Variants in ADAMTS6 observed in about 807,000 individuals in gnomAD.
ADAMTS6 encodes A disintegrin and metalloproteinase with thrombospondin motifs 6.
A neutral mutation model predicts 144.3 loss-of-function variants in ADAMTS6; 23 were observed. That is an observed-to-expected ratio of 0.16 (90% CI 0.11 to 0.23). ADAMTS6 has a LOEUF of 0.23. Ranked by LOEUF, ADAMTS6 falls within the 10% of genes least tolerant of loss-of-function variation. ADAMTS6 has a pLI of 1.00. For missense variants in ADAMTS6, 999 were observed against 1,379.6 expected (o/e 0.72, Z 4.37); for synonymous variants, 444 against 457.5 (o/e 0.97, Z 0.38).
At chr5:65,413,566 C>G (rs189616998) in intron 7 of ADAMTS6, among the ~76,000 whole-genome samples, 1 of 152,260 alleles carries the variant, frequency 6.6e-6, no homozygotes, top group East Asian at 1.9e-4. Context: ...CAGCATTCCT[C>G]TCTATCCCTG....
intron 7 of ADAMTS6, among the ~76,000 whole-genome samples, chr5:65,346,706 C>T (rs1251338121): frequency 6.6e-6 from 1 of 151,590 alleles, no homozygotes; most frequent in African/African-American, 2.4e-5. Context: ...GAAAGAAAGA[C>T]ATAAAATCGT....
chr5:65,373,127 T>C (rs1364405000), intron 7 of ADAMTS6, among the ~76,000 whole-genome samples: 2 of 151,526 alleles, frequency 1.3e-5, no homozygotes, highest in Non-Finnish European at 2.9e-5. Flanking sequence ...GGGAAATTTA[T>C]AGCACTAAAT....
intron 22 of ADAMTS6, among the ~76,000 whole-genome samples, chr5:65,184,733 T>C (rs948873488): frequency 5.9e-5 from 9 of 151,844 alleles, no homozygotes; most frequent in African/African-American, 2.2e-4. Flanking sequence ...TTATAGGATA[T>C]GCGAAAGCTG....
intron 7 of ADAMTS6, among the ~76,000 whole-genome samples, chr5:65,398,832 G>C (rs1173297201): frequency 7.0e-6 from 1 of 142,882 alleles, no homozygotes; most frequent in African/African-American, 2.7e-5. Flanking sequence ...AAGAAAGAAA[G>C]AAAGAAAGAA....
chr5:65,266,556 C>T (rs899064181), intron 12 of ADAMTS6, among the ~76,000 whole-genome samples: 5 of 151,894 alleles, frequency 3.3e-5, no homozygotes, highest in Non-Finnish European at 7.4e-5. Flanking sequence ...CTGTGTAGGA[C>T]TTTATGTTAC....
chr5:65,271,718 A>G (rs1342771431), intron 12 of ADAMTS6, among the ~76,000 whole-genome samples: 1 of 152,204 alleles, frequency 6.6e-6, no homozygotes, highest in Non-Finnish European at 1.5e-5. Flanking sequence ...AATCAATGGC[A>G]AATAAAGAAA....
chr5:65,150,533 A>C lies in ADAMTS6; in HGVS notation c.*1303T>G, dbSNP rs1015599319. ...TAATTGCCATTCAGAGTATCCATAAAAAATAAAAAATACTTGGTTGAGTGA... is the reference window on the plus strand; with the variant it reads ...TAATTGCCATTCAGAGTATCCATAACAAATAAAAAATACTTGGTTGAGTGA... On this transcript the variant is annotated 3_prime_UTR_variant, in exon 25 of 25. Transcript: ENST00000381055. 3.3e-5 allele frequency: 5 copies of C among 152,646 alleles called. No individual in the cohort carries two copies. The highest frequency in any genetic ancestry group is 1.2e-4 in the African/African-American group (5 of 41,470). The allele number at this position is 152,646 out of a possible 1,614,324, so 9.5% of individuals were successfully genotyped here.
At chr5:65,361,421 A>G (rs1480372391) in intron 7 of ADAMTS6, among the ~76,000 whole-genome samples, 1 of 152,234 alleles carries the variant, frequency 6.6e-6, no homozygotes, top group African/African-American at 2.4e-5. Flanking sequence ...GTTCAGTACC[A>G]ATACCACTTC....
chr5:65,387,349 A>G (rs1219129993), intron 7 of ADAMTS6, among the ~76,000 whole-genome samples: 1 of 152,228 alleles, frequency 6.6e-6, no homozygotes, highest in Non-Finnish European at 1.5e-5. Flanking sequence ...TTCAATCATC[A>G]AACTATTGTA....
intron 7 of ADAMTS6, among the ~76,000 whole-genome samples, chr5:65,380,911 T>C (rs1310887230): frequency 6.6e-6 from 1 of 152,214 alleles, no homozygotes; most frequent in East Asian, 1.9e-4. Flanking sequence ...ACATATAAAA[T>C]TCTATATGCA....
At chr5:65,176,049 C>T (rs1013129904) in intron 22 of ADAMTS6, among the ~76,000 whole-genome samples, 2 of 151,062 alleles carry the variant, frequency 1.3e-5, no homozygotes, top group East Asian at 1.9e-4. Flanking sequence ...GGCCTTAAGA[C>T]AGTCTAGTCC....
At chr5:65,467,008 C>CT (rs371442584) in intron 3 of ADAMTS6, among the ~76,000 whole-genome samples, 29 of 150,912 alleles carry the variant, frequency 1.9e-4, no homozygotes, top group East Asian at 3.9e-4. Flanking sequence ...CGCCACTGCA[C>CT]CCAGCCTGGG....
intron 3 of ADAMTS6, among the ~76,000 whole-genome samples, chr5:65,469,706 A>G (rs1356263168): frequency 6.6e-6 from 1 of 152,244 alleles, no homozygotes; most frequent in Non-Finnish European, 1.5e-5. Context: ...ATATACATCT[A>G]CAGTGAAATG....
intron 9 of ADAMTS6, among the ~76,000 whole-genome samples, chr5:65,323,452 A>C (rs934101467): frequency 3.3e-5 from 5 of 151,766 alleles, no homozygotes; most frequent in Non-Finnish European, 7.4e-5. Flanking sequence ...TGAAATCATC[A>C]TTTTTTATGG....
intron 7 of ADAMTS6, among the ~76,000 whole-genome samples, chr5:65,354,556 T>C (rs962223501): frequency 6.6e-6 from 1 of 151,870 alleles, no homozygotes; most frequent in Non-Finnish European, 1.5e-5. Context: ...ATTTATTAGA[T>C]ATGGCTAATT....
chr5:65,260,837 G>A (rs553985257), intron 13 of ADAMTS6, among the ~76,000 whole-genome samples, 174 bp from the exon 14 acceptor site: 1 of 152,010 alleles, frequency 6.6e-6, no homozygotes, highest in East Asian at 1.9e-4. Context: ...TATGGTTGTT[G>A]AACATAAAAA....
At chr5:65,290,303 C>G (rs568259904) in intron 11 of ADAMTS6, among the ~76,000 whole-genome samples, 3 of 152,300 alleles carry the variant, frequency 2.0e-5, no homozygotes, top group African/African-American at 7.2e-5. Context: ...GTAATCCTAG[C>G]TCTTTGGGAG....
intron 24 of ADAMTS6, among the ~76,000 whole-genome samples, chr5:65,161,438 T>A (rs1215015809): frequency 6.6e-6 from 1 of 152,248 alleles, no homozygotes; most frequent in Non-Finnish European, 1.5e-5. Flanking sequence ...TTTCCCAAGG[T>A]ACACACTGGG....
intron 20 of ADAMTS6, among the ~76,000 whole-genome samples, chr5:65,203,095 T>C (rs916404749): frequency 6.6e-6 from 1 of 152,190 alleles, no homozygotes; most frequent in African/African-American, 2.4e-5. Context: ...GGTTTTGCAG[T>C]CTTGTTTCAA....
Sources: gnomAD v4.1 joint callset for allele counts (sites outside exome capture counted in the v4.1 genomes callset) on GRCh38, gnomAD v4.1.1 for gene constraint, MANE v1.5 for transcripts, NCBI Gene and HGNC (gene_info 2026-07-23, HGNC 2026-07-21) for gene names.